The following FDX1 variants were observed in gnomAD, a reference collection of about 807,000 sequenced individuals.
The protein encoded by FDX1 is ferredoxin 1, also known as adrenodoxin, mitochondrial.
Under a neutral mutation model 14.9 loss-of-function variants are expected in FDX1, and 9 were observed. The ratio of observed to expected loss-of-function variants is 0.60; its 90% CI spans 0.36 to 1.05. The LOEUF (loss-of-function observed/expected upper bound fraction) is 1.05, where lower values mean the gene tolerates loss of function less well. FDX1 is among the 50% of genes least tolerant of loss of function. The pLI, the probability that FDX1 is intolerant of heterozygous loss-of-function variation, is 0.01. For missense variants in FDX1, 204 were observed against 237.2 expected (o/e 0.86, Z 0.92); for synonymous variants, 92 against 99.4 (o/e 0.93, Z 0.44).
chr11:110,436,440 C>A (rs1946369841), intron 2 of FDX1, among the ~76,000 whole-genome samples: 1 of 152,200 alleles, frequency 6.6e-6, no homozygotes. Flanking sequence ...TTTTACACTT[C>A]CTCAGGCGTA....
rs1946570195 is a variant in FDX1 at position 110,463,493 on chromosome 11, A to G, written c.*1025A>G. ...TATAAATAAATTCATAAAAGTTAAC[A>G]AAGGGGTACACAGTATGGTCTTTGG... On this transcript the variant is annotated 3_prime_UTR_variant, in exon 4 of 4. Transcript: ENST00000260270. 2 of 152,134 alleles carry G rather than the reference A, an allele frequency of 1.3e-5. No individual in the cohort carries two copies. The highest frequency in any genetic ancestry group is 4.1e-4 in the South Asian group (2 of 4,838). The allele number at this position is 152,134 out of a possible 1,614,324, so 9.4% of individuals were successfully genotyped here.
At chr11:110,456,136 T>C (rs1239216881) in intron 2 of FDX1, among the ~76,000 whole-genome samples, 1 of 152,222 alleles carries the variant, frequency 6.6e-6, no homozygotes, top group Non-Finnish European at 1.5e-5. Context: ...TTAAAATGAC[T>C]TGATTCTGTC....
At chr11:110,435,100 G>C (rs1387673586) in intron 1 of FDX1, among the ~76,000 whole-genome samples, 1 of 151,750 alleles carries the variant, frequency 6.6e-6, no homozygotes, top group East Asian at 1.9e-4. Context: ...CCAGGCTGGA[G>C]TGCAGTGGTG....
intron 2 of FDX1, among the ~76,000 whole-genome samples, chr11:110,448,471 A>G (rs1477705979): frequency 6.6e-6 from 1 of 152,204 alleles, no homozygotes; most frequent in African/African-American, 2.4e-5. Flanking sequence ...CGTAGTAGAT[A>G]ATACAAAATG....
At chr11:110,461,396 T>G (rs1204014504) in intron 3 of FDX1, among the ~76,000 whole-genome samples, 2 of 150,442 alleles carry the variant, frequency 1.3e-5, no homozygotes, top group African/African-American at 4.9e-5. Flanking sequence ...CTTAGGAGGC[T>G]GAGGTGGGAG....
chr11:110,442,222 G>T (rs1946409061), intron 2 of FDX1, among the ~76,000 whole-genome samples: 1 of 152,212 alleles, frequency 6.6e-6, no homozygotes, highest in South Asian at 2.1e-4. Flanking sequence ...GGGAAATGTG[G>T]GGTTGGAGCC....
rs1043579010 is a variant in FDX1, at chr11:110,439,505, C to T, written c.310+3547C>T. On this transcript the variant is annotated intron_variant, in intron 2 of 3. Transcript: ENST00000260270. Reference sequence around the variant, plus strand: ...TACAGGTGTGAGCCACCACACCCGGCCCTCTGCCCACTTTTTAATGAGGTT... The same window carrying T: ...TACAGGTGTGAGCCACCACACCCGGTCCTCTGCCCACTTTTTAATGAGGTT... Among the ~76,000 whole-genome samples, 3 of 152,066 alleles carry T rather than the reference C, an allele frequency of 2.0e-5. No homozygotes were observed. In the South Asian group the frequency reaches 6.2e-4, roughly 32 times the overall value.
intron 3 of FDX1, 64 bp from the exon 4 acceptor site, chr11:110,462,290 A>G: frequency 1.2e-6 from 1 of 860,590 alleles, no homozygotes; most frequent in Non-Finnish European, 1.9e-6. Flanking sequence ...ATCTTAAACA[A>G]CTGCATTGCC....
Position 110,444,666 on chromosome 11 carries a change from GTATA to G in FDX1, c.310+8723_310+8726del, listed in dbSNP as rs796652673. Reference sequence around the variant, plus strand: ...TGTGTGTGTGTATATATATATATACGTATATATATATATATATACACGTATATAT... The same window carrying G: ...TGTGTGTGTGTATATATATATATACGTATATATATATATACACGTATATAT... On this transcript the variant is annotated intron_variant, in intron 2 of 3. Transcript: ENST00000260270. Among the ~76,000 whole-genome samples the G allele has an allele frequency of 1.5e-3, 63 of 42,602 alleles. 5 individuals carry two copies. The highest frequency in any genetic ancestry group is 8.6e-3 in the African/African-American group (60 of 6,964). The allele number at this position is 42,602 out of a possible 152,430, so 27.9% of individuals were successfully genotyped here.
chr11:110,459,215 G>A (rs944203925), intron 3 of FDX1, among the ~76,000 whole-genome samples: 2 of 152,198 alleles, frequency 1.3e-5, no homozygotes, highest in Non-Finnish European at 2.9e-5. Flanking sequence ...TTCCTTATAT[G>A]TAAGGTGAGG....
At chr11:110,443,289 T>C (rs1292701657) in intron 2 of FDX1, among the ~76,000 whole-genome samples, 1 of 137,330 alleles carries the variant, frequency 7.3e-6, no homozygotes, top group Non-Finnish European at 1.6e-5. Flanking sequence ...CTTTTTTTTT[T>C]CTGTAGGAAA....
intron 1 of FDX1, 140 bp downstream of exon 1, chr11:110,430,445 T>A (rs1265144875): frequency 4.3e-6 from 2 of 464,740 alleles, no homozygotes; most frequent in Non-Finnish European, 6.4e-6. Context: ...CTCGCCCCCC[T>A]CTTCTGGGGT....
chr11:110,456,882 G>T (rs549043814), intron 2 of FDX1, 36 bp from the exon 3 acceptor site: 7 of 1,585,140 alleles, frequency 4.4e-6, no homozygotes, highest in Non-Finnish European at 6.0e-6. Flanking sequence ...GTCTGATGTA[G>T]AAGGGACTAT....
At chr11:110,452,252 A>G (rs907649773) in intron 2 of FDX1, among the ~76,000 whole-genome samples, 1 of 152,052 alleles carries the variant, frequency 6.6e-6, no homozygotes, top group African/African-American at 2.4e-5. Flanking sequence ...GTTCATCAAA[A>G]TTAAAAACTT....
intron 1 of FDX1, among the ~76,000 whole-genome samples, chr11:110,432,107 T>G (rs547630412): frequency 4.6e-5 from 7 of 152,320 alleles, no homozygotes; most frequent in African/African-American, 1.7e-4. Flanking sequence ...GGCACAAAGT[T>G]CTTATAGACA....
intron 1 of FDX1, among the ~76,000 whole-genome samples, chr11:110,432,723 C>T (rs1171824607): frequency 6.6e-6 from 1 of 152,216 alleles, no homozygotes; most frequent in Non-Finnish European, 1.5e-5. Context: ...CCTGCTTCAG[C>T]CTCCCAAAGT....
intron 1 of FDX1, among the ~76,000 whole-genome samples, chr11:110,435,076 T>C (rs1162194561): frequency 6.6e-6 from 1 of 151,866 alleles, no homozygotes; most frequent in East Asian, 1.9e-4. Context: ...AATGACAGGG[T>C]CTTGCTGTGT....
chr11:110,456,035 G>T (rs750177555), intron 2 of FDX1, among the ~76,000 whole-genome samples: 1 of 152,150 alleles, frequency 6.6e-6, no homozygotes, highest in Non-Finnish European at 1.5e-5. Flanking sequence ...TCTGGCGTAC[G>T]ATATGTATTC....
At chr11:110,437,519 A>G (rs1244836782) in intron 2 of FDX1, among the ~76,000 whole-genome samples, 3 of 152,124 alleles carry the variant, frequency 2.0e-5, no homozygotes, top group Admixed American at 2.0e-4. Context: ...TCAAGATGGT[A>G]TATCTCATTG....
Sources: allele counts gnomAD v4.1 joint callset (sites outside exome capture counted in the v4.1 genomes callset), GRCh38; gene constraint gnomAD v4.1.1; transcripts MANE v1.5; gene names NCBI Gene and HGNC (gene_info 2026-07-23, HGNC 2026-07-21).